The following GRHL2 variants were observed in gnomAD, a reference collection of about 807,000 sequenced individuals.
The protein encoded by GRHL2 is grainyhead like transcription factor 2, also known as grainyhead-like protein 2 homolog.
In GRHL2, 21 loss-of-function variants were observed where a neutral mutation model predicts 83.8. The observed-to-expected ratio is 0.25, with a 90% confidence interval of 0.18 to 0.36. GRHL2 has a LOEUF of 0.36. GRHL2 is among the 10% of genes least tolerant of loss of function. The probability of loss-of-function intolerance (pLI) is 1.00; values close to 1 mark genes in which losing one functional copy is unlikely to be tolerated. For synonymous variants in GRHL2, 280 were observed against 278.9 expected, an observed-to-expected ratio of 1.00 and a Z score of -0.04; for missense variants, 623 against 781.8, an observed-to-expected ratio of 0.80 and a Z score of 2.42.
chr8:101,528,477 A>G (rs1261159424), intron 1 of GRHL2, among the ~76,000 whole-genome samples: 1 of 151,980 alleles, frequency 6.6e-6, no homozygotes, highest in Non-Finnish European at 1.5e-5. Flanking sequence ...CAAAAACACA[A>G]CAGCTTTAAG....
At chr8:101,602,019 C>A (rs1332597742) in intron 8 of GRHL2, among the ~76,000 whole-genome samples, 1 of 152,180 alleles carries the variant, frequency 6.6e-6, no homozygotes, top group African/African-American at 2.4e-5. Flanking sequence ...AATGTTCCTC[C>A]TCTGTGTCCA....
intron 1 of GRHL2, among the ~76,000 whole-genome samples, chr8:101,518,865 A>G (rs1010411848): frequency 1.3e-5 from 2 of 152,216 alleles, no homozygotes; most frequent in Admixed American, 6.5e-5. Context: ...GGAGGATATT[A>G]GCAAGCACTC....
At chr8:101,554,776 T>C (rs1024163737) in intron 3 of GRHL2, among the ~76,000 whole-genome samples, 1 of 152,238 alleles carries the variant, frequency 6.6e-6, no homozygotes, top group Non-Finnish European at 1.5e-5. Context: ...ATTATTATCA[T>C]TGCATTTTTC....
chr8:101,631,354 C>T (rs1045361922), intron 9 of GRHL2, among the ~76,000 whole-genome samples: 2 of 152,134 alleles, frequency 1.3e-5, no homozygotes, highest in Non-Finnish European at 2.9e-5. Flanking sequence ...TGATTCTTTC[C>T]ATATGGATTC....
chr8:101,551,898 C>G (rs1409269108), intron 2 of GRHL2, among the ~76,000 whole-genome samples: 2 of 150,528 alleles, frequency 1.3e-5, no homozygotes, highest in Non-Finnish European at 3.0e-5. Flanking sequence ...TGCAGTGGCG[C>G]GATCTCGGCT....
chr8:101,646,971 G>T (rs539598290), intron 13 of GRHL2, among the ~76,000 whole-genome samples: 6 of 152,168 alleles, frequency 3.9e-5, no homozygotes, highest in African/African-American at 1.4e-4. Context: ...CCATCAACGC[G>T]GCTCCCTTTA....
chr8:101,634,459 T>G (rs1054554079), intron 11 of GRHL2, among the ~76,000 whole-genome samples: 7 of 152,100 alleles, frequency 4.6e-5, no homozygotes, highest in African/African-American at 1.7e-4. Flanking sequence ...GATTTGGGGA[T>G]GGAGCAGAGA....
At chr8:101,556,225 G>A (rs1586091244) in intron 3 of GRHL2, among the ~76,000 whole-genome samples, 1 of 152,120 alleles carries the variant, frequency 6.6e-6, no homozygotes, top group Non-Finnish European at 1.5e-5. Flanking sequence ...CCAAAGTGCT[G>A]GGATTACAGG....
At chr8:101,634,342 G>C (rs1030804307) in intron 11 of GRHL2, among the ~76,000 whole-genome samples, 28 of 152,176 alleles carry the variant, frequency 1.8e-4, no homozygotes, top group African/African-American at 6.3e-4. Flanking sequence ...TGAAGGAAAG[G>C]AGCTTGGACA....
intron 1 of GRHL2, among the ~76,000 whole-genome samples, chr8:101,514,053 T>A (rs1311873899): frequency 6.6e-6 from 1 of 152,160 alleles, no homozygotes; most frequent in Non-Finnish European, 1.5e-5. Flanking sequence ...GTCTCCCTTA[T>A]CTCACTGGGT....
chr8:101,587,573 G>A (rs963005554), intron 7 of GRHL2, among the ~76,000 whole-genome samples: 1 of 152,094 alleles, frequency 6.6e-6, no homozygotes, highest in Non-Finnish European at 1.5e-5. Flanking sequence ...TATATCCATA[G>A]CTATAACATC....
At chr8:101,582,855 GTA>G (rs1237901041) in intron 7 of GRHL2, among the ~76,000 whole-genome samples, 2 of 152,152 alleles carry the variant, frequency 1.3e-5, no homozygotes, top group Non-Finnish European at 2.9e-5. Flanking sequence ...GTGTGTGTGT[GTA>G]TGTGTGTGTA....
intron 14 of GRHL2, among the ~76,000 whole-genome samples, chr8:101,653,910 C>G (rs143272675): frequency 6.9e-4 from 105 of 152,266 alleles, no homozygotes; most frequent in African/African-American, 2.5e-3. Flanking sequence ...TGGCGGGGAA[C>G]TGGTATTAGA....
chr8:101,546,335 A>G (rs538612738), intron 2 of GRHL2, among the ~76,000 whole-genome samples: 1 of 152,200 alleles, frequency 6.6e-6, no homozygotes, highest in South Asian at 2.1e-4. Context: ...ATAATTTCAT[A>G]TATCTGTATT....
At chr8:101,571,752 C>T (rs1256221645) in intron 5 of GRHL2, among the ~76,000 whole-genome samples, 3 of 151,948 alleles carry the variant, frequency 2.0e-5, no homozygotes, top group Non-Finnish European at 4.4e-5. Flanking sequence ...ATCTCAGGCT[C>T]CCCACTCATC....
At chr8:101,677,430 C>G in the GRHL2 span, among the ~76,000 whole-genome samples, 1 of 151,728 alleles carries the variant, frequency 6.6e-6, no homozygotes, top group Non-Finnish European at 1.5e-5. Flanking sequence ...TCCACCCCCA[C>G]GCCTACCTCC....
Position 101,583,579 on chromosome 8 carries a change from T to C in GRHL2, c.1003+6060T>C, listed in dbSNP as rs116994163. Among the ~76,000 whole-genome samples the C allele has an allele frequency of 2.2e-3, 330 of 152,290 alleles. 7 individuals carry two copies. The East Asian group carries it at 0.054, about 25-fold the overall frequency. On this transcript the variant is annotated intron_variant, in intron 7 of 15. Coordinates refer to ENST00000646743, the MANE Select transcript of GRHL2 (RefSeq NM_024915.4). ...TTGATTTTGAGGCACCGTCTACACA[T>C]AGAACAGGCTGGGAGTTTCCCAGGA...
intron 8 of GRHL2, among the ~76,000 whole-genome samples, chr8:101,604,758 A>G (rs947519743): frequency 9.2e-5 from 14 of 152,200 alleles, no homozygotes; most frequent in Admixed American, 3.3e-4. Flanking sequence ...TTCAGGATTC[A>G]GTGAAAATGT....
chr8:101,544,774 T>C (rs769005226), intron 2 of GRHL2, among the ~76,000 whole-genome samples: 3 of 152,174 alleles, frequency 2.0e-5, no homozygotes, highest in Non-Finnish European at 4.4e-5. Context: ...GGAAAGATAA[T>C]TTCCCTTTTA....
Sources: allele counts gnomAD v4.1 joint callset (sites outside exome capture counted in the v4.1 genomes callset), GRCh38; gene constraint gnomAD v4.1.1; transcripts MANE v1.5; gene names NCBI Gene and HGNC (gene_info 2026-07-23, HGNC 2026-07-21).